DIP2C: variants seen among roughly 807,000 people sequenced by gnomAD.
DIP2C encodes disco-interacting protein 2 homolog C.
A neutral mutation model predicts 192.4 loss-of-function variants in DIP2C; 33 were observed. The ratio of observed to expected loss-of-function variants is 0.17; its 90% CI spans 0.13 to 0.23. DIP2C has a LOEUF of 0.23. Among genes scored for constraint, DIP2C ranks in the 10% least tolerant of loss-of-function variants. The probability of loss-of-function intolerance (pLI) is 1.00; values close to 1 mark genes in which losing one functional copy is unlikely to be tolerated. For synonymous variants in DIP2C, 979 were observed against 864.1 expected, an observed-to-expected ratio of 1.13 and a Z score of -2.33; for missense variants, 1,537 against 2,110.1, an observed-to-expected ratio of 0.73 and a Z score of 5.32.
intron 18 of DIP2C, among the ~76,000 whole-genome samples, chr10:366,864 A>G (rs1010051936): frequency 7.9e-5 from 12 of 152,158 alleles, no homozygotes; most frequent in Non-Finnish European, 1.8e-4. Flanking sequence ...ACACCACTGG[A>G]GCGCTTTGCA....
At chr10:454,718 C>T (rs1407702614) in intron 3 of DIP2C, among the ~76,000 whole-genome samples, 1 of 151,996 alleles carries the variant, frequency 6.6e-6, no homozygotes, top group Non-Finnish European at 1.5e-5. Flanking sequence ...ACATCAGCAC[C>T]CCTCAGAGAA....
At chr10:615,920 T>C (rs577142887) in intron 1 of DIP2C, among the ~76,000 whole-genome samples, 1 of 152,340 alleles carries the variant, frequency 6.6e-6, no homozygotes, top group African/African-American at 2.4e-5. Flanking sequence ...CCTTTGTGCC[T>C]GTAGGGAGGC....
At chr10:556,114 A>G (rs1318507902) in intron 1 of DIP2C, among the ~76,000 whole-genome samples, 3 of 72,022 alleles carry the variant, frequency 4.2e-5, no homozygotes, top group African/African-American at 1.9e-4. Flanking sequence ...GGATCCCCGG[A>G]CAGCAACCAC....
At chr10:290,391 A>G (rs897790147) in intron 32 of DIP2C, among the ~76,000 whole-genome samples, 1 of 152,248 alleles carries the variant, frequency 6.6e-6, no homozygotes, top group Non-Finnish European at 1.5e-5. Context: ...CTAATTCAGG[A>G]CTTGCCATGA....
intron 1 of DIP2C, among the ~76,000 whole-genome samples, chr10:560,924 T>C (rs1849178688): frequency 6.6e-6 from 1 of 152,280 alleles, no homozygotes; most frequent in Admixed American, 6.5e-5. Flanking sequence ...CCTGGAGGCA[T>C]CCCTCCACAT....
chr10:622,300 AG>A (rs1407779857), intron 1 of DIP2C, among the ~76,000 whole-genome samples: 2 of 33,126 alleles, frequency 6.0e-5, no homozygotes, highest in African/African-American at 1.3e-4. Flanking sequence ...GGGAGGGAGG[AG>A]GGGGGAGAGG....
chr10:586,079 AC>A (rs1851004791), intron 1 of DIP2C, among the ~76,000 whole-genome samples: 1 of 152,198 alleles, frequency 6.6e-6, no homozygotes, highest in Admixed American at 6.5e-5. Context: ...GTTCCTGAGC[AC>A]CAACCAAGGC....
rs192716999 is a variant in DIP2C at position 422,584 on chromosome 10, C to T, written c.604+240G>A. Among the ~76,000 whole-genome samples the T allele has an allele frequency of 3.3e-5, 5 of 152,154 alleles. No individual in the cohort carries two copies. In the East Asian group the frequency reaches 7.7e-4, roughly 23 times the overall value. Reference sequence around the variant, plus strand: ...CATAAGTGAGAAGAAAAGATGGGAGCGGATACGGCTGCAGGATTCCCCAGG... The same window carrying T: ...CATAAGTGAGAAGAAAAGATGGGAGTGGATACGGCTGCAGGATTCCCCAGG... On this transcript the variant is annotated intron_variant, in intron 5 of 36. Coordinates refer to ENST00000280886, the MANE Select transcript of DIP2C (RefSeq NM_014974.3).
At chr10:518,963 A>G (rs1846528506) in intron 1 of DIP2C, among the ~76,000 whole-genome samples, 4 of 152,148 alleles carry the variant, frequency 2.6e-5, no homozygotes, top group Admixed American at 1.3e-4. Context: ...CAAACTCCCC[A>G]TGCCAGCTCT....
chr10:337,449 CGT>C (rs202221102), intron 29 of DIP2C, among the ~76,000 whole-genome samples: 1,230 of 95,612 alleles, frequency 0.013, 19 homozygotes, highest in African/African-American at 0.047. Context: ...ATTGTGTGTG[CGT>C]GTGTGTTGTG....
intron 1 of DIP2C, chr10:664,968 C>A (rs753138344): frequency 1.1e-4 from 16 of 152,086 alleles, no homozygotes; most frequent in Non-Finnish European, 2.1e-4. Context: ...TACCAACTAA[C>A]AAGAAAATAT....
intron 14 of DIP2C, among the ~76,000 whole-genome samples, chr10:385,323 C>T (rs1243966329): frequency 6.6e-6 from 1 of 152,170 alleles, no homozygotes; most frequent in African/African-American, 2.4e-5. Flanking sequence ...AAAACATGTC[C>T]ATGAAAAGCG....
In DIP2C at chr10:675,595, A is replaced by G. The variant is rs116357573; in HGVS notation, c.85+13899T>C. On this transcript the variant is annotated intron_variant, in intron 1 of 36. Coordinates refer to ENST00000280886, the MANE Select transcript of DIP2C (RefSeq NM_014974.3). ...TTAGAAACAGAAAAAGAGAATTACAATTGATACCACAGAAATACAAGGGCT... is the reference window on the plus strand; with the variant it reads ...TTAGAAACAGAAAAAGAGAATTACAGTTGATACCACAGAAATACAAGGGCT... Among the ~76,000 whole-genome samples, 992 of 152,280 alleles carry G rather than the reference A, an allele frequency of 6.5e-3. 8 individuals are homozygous for G. Among genetic ancestry groups the G allele is most frequent in the African/African-American group, 0.02 (848 of 41,578 alleles).
rs1226016852 is a variant in DIP2C at position 531,384 on chromosome 10, T to TC, written c.86-44855dup. On this transcript the variant is annotated intron_variant, in intron 1 of 36. Transcript: ENST00000280886. ...CTCCTGAGGGGCGTGTGCTTACAGT[T>TC]CCCCCGAGACCACATTTCCCAAAGT... is the stretch of plus-strand genomic sequence containing the variant. Among the ~76,000 whole-genome samples the TC allele has an allele frequency of 3.3e-5, 5 of 151,728 alleles. No homozygotes were observed. In the East Asian group the frequency reaches 7.8e-4, roughly 24 times the overall value.
chr10:400,838 C>G (rs868377522), intron 9 of DIP2C, among the ~76,000 whole-genome samples: 225 of 132,834 alleles, frequency 1.7e-3, no homozygotes, highest in Middle Eastern at 5.7e-3. Context: ...GTGTTCCTCA[C>G]CACATGAATC....
chr10:471,472 A>AG (rs1416127011), intron 3 of DIP2C, among the ~76,000 whole-genome samples: 2 of 152,126 alleles, frequency 1.3e-5, no homozygotes, highest in African/African-American at 4.8e-5. Flanking sequence ...GTCATCCCTT[A>AG]GCCTCACTTT....
intron 1 of DIP2C, among the ~76,000 whole-genome samples, chr10:568,795 A>AAC (rs1849604893): frequency 9.8e-6 from 1 of 102,162 alleles, no homozygotes; most frequent in Non-Finnish European, 1.9e-5. Flanking sequence ...AAAAAAAAAA[A>AAC]AAACCTTCAC....
rs80133829 is a variant in DIP2C, at chr10:432,002, G to A, written c.394+8869C>T. ...TTTTCCTTTTTCTTAGCCTGTTAAC[G>A]TGATGAATTACGTTAATTGGTTTTC... is the stretch of plus-strand genomic sequence containing the variant. On this transcript the variant is annotated intron_variant, in intron 4 of 36. Coordinates refer to ENST00000280886, the MANE Select transcript of DIP2C (RefSeq NM_014974.3). Among the ~76,000 whole-genome samples the A allele has an allele frequency of 6.3e-3, 964 of 152,180 alleles. 8 individuals are homozygous for A. The highest frequency in any genetic ancestry group is 0.02 in the African/African-American group (814 of 41,518).
In DIP2C at chr10:672,193, G is replaced by C. The variant is rs1223337637; in HGVS notation, c.85+17301C>G. ...GACGGAGGAAACACCACAGACACAC[G>C]GACGAAAGAAACACCACCGACGCAG... On this transcript the variant is annotated intron_variant, in intron 1 of 36. Coordinates refer to ENST00000280886, the MANE Select transcript of DIP2C (RefSeq NM_014974.3). Among the ~76,000 whole-genome samples the C allele has an allele frequency of 2.0e-5, 3 of 151,660 alleles. No homozygotes were observed. In the East Asian group the frequency reaches 5.9e-4, roughly 30 times the overall value.
Sources: allele counts gnomAD v4.1 joint callset (sites outside exome capture counted in the v4.1 genomes callset), GRCh38; gene constraint gnomAD v4.1.1; transcripts MANE v1.5; gene names NCBI Gene and HGNC (gene_info 2026-07-23, HGNC 2026-07-21).